Variants in DLC1 observed in about 807,000 individuals in gnomAD.
DLC1 encodes the protein DLC1 Rho GTPase activating protein.
DLC1 carries 54 observed loss-of-function variants against 140.3 expected under a neutral mutation model. The ratio of observed to expected loss-of-function variants is 0.38; its 90% CI spans 0.31 to 0.48. DLC1 has a LOEUF of 0.48. Ranked by LOEUF, DLC1 falls within the 20% of genes least tolerant of loss-of-function variation. The probability of loss-of-function intolerance (pLI) is 0.96; values close to 1 mark genes in which losing one functional copy is unlikely to be tolerated. For synonymous variants in DLC1, 986 were observed against 728.1 expected, an observed-to-expected ratio of 1.35 and a Z score of -5.70; for missense variants, 2,536 against 1,907.0, an observed-to-expected ratio of 1.33 and a Z score of -6.14.
chr8:13,400,551 C>G (rs1011661517), intron 3 of DLC1, among the ~76,000 whole-genome samples: 6 of 152,080 alleles, frequency 3.9e-5, no homozygotes, highest in African/African-American at 1.4e-4. Flanking sequence ...CTGATGTGTG[C>G]AATATAAAAC....
At chr8:13,526,190 A>C (rs983154453) in intron 1 of DLC1, among the ~76,000 whole-genome samples, 5 of 152,154 alleles carry the variant, frequency 3.3e-5, no homozygotes, top group African/African-American at 1.2e-4. Flanking sequence ...TATCGCATAC[A>C]ATACCACACT....
chr8:13,453,467 TATAC>T (rs1173876430), intron 2 of DLC1, among the ~76,000 whole-genome samples: 1 of 27,324 alleles, frequency 3.7e-5, no homozygotes, highest in Non-Finnish European at 6.1e-5. Context: ...TATGTATATA[TATAC>T]ATATATATGT....
chr8:13,400,954 T>C (rs1837266082), intron 3 of DLC1, among the ~76,000 whole-genome samples: 1 of 152,232 alleles, frequency 6.6e-6, no homozygotes, highest in African/African-American at 2.4e-5. Flanking sequence ...TCTGTCTCTT[T>C]CACTGTATTT....
Position 13,499,358 on chromosome 8 carries a change from A to G in DLC1, c.714T>C (p.Pro238=). ...SAVIAQQRRK[P]DPPKDENERS... is the part of the protein sequence containing the mutation. Reference sequence around the variant, plus strand: ...TTTCATTTTCATCTTTAGGGGGGTCAGGTTTCCTTCGTTGCTGAGCAATTA... The same window carrying G: ...TTTCATTTTCATCTTTAGGGGGGTCGGGTTTCCTTCGTTGCTGAGCAATTA... The change falls in exon 2 of 18, where the codon CCT becomes CCC. Residue 238 remains proline, a synonymous_variant. Transcript: ENST00000276297. The G allele has an allele frequency of 6.2e-7, 1 of 1,614,006 alleles. No individual in the cohort carries two copies.
At chr8:13,566,801 C>A in intron 1 of DLC1, 7 of 711,970 alleles carry the variant, frequency 9.8e-6, no homozygotes, top group Non-Finnish European at 1.5e-5. Flanking sequence ...GGCGGGACGC[C>A]GCATGGTGGC....
At chr8:13,401,680 G>T (rs947671093) in intron 2 of DLC1, 61 bp from the exon 3 acceptor site, 5 of 1,562,196 alleles carry the variant, frequency 3.2e-6, no homozygotes, top group Non-Finnish European at 4.3e-6. Flanking sequence ...AGAATAAAAA[G>T]TTCCCTGTTC....
chr8:13,546,420 G>A (rs1353868736), intron 1 of DLC1, among the ~76,000 whole-genome samples: 1 of 151,954 alleles, frequency 6.6e-6, no homozygotes, highest in African/African-American at 2.4e-5. Flanking sequence ...TAACAGGATT[G>A]GATTGCATCC....
At chr8:13,410,973 T>A (rs1168099380) in intron 2 of DLC1, among the ~76,000 whole-genome samples, 1 of 152,080 alleles carries the variant, frequency 6.6e-6, no homozygotes, top group East Asian at 1.9e-4. Flanking sequence ...GTTTTATGGG[T>A]TTTTAAAAAA....
chr8:13,439,707 A>G (rs1355078152), intron 2 of DLC1, among the ~76,000 whole-genome samples: 1 of 152,106 alleles, frequency 6.6e-6, no homozygotes, highest in African/African-American at 2.4e-5. Flanking sequence ...GACCACAACT[A>G]GTTGGTCGAG....
intron 3 of DLC1, among the ~76,000 whole-genome samples, chr8:13,395,039 A>G (rs1218873707): frequency 6.7e-6 from 1 of 149,442 alleles, no homozygotes; most frequent in Non-Finnish European, 1.5e-5. Context: ...TCTATCATCT[A>G]TCTATCTATC....
Position 13,526,383 on chromosome 8 carries a change from G to C in DLC1, c.-125-26187C>G, listed in dbSNP as rs566379910. 2.0e-5 allele frequency among the ~76,000 whole-genome samples: 3 copies of C among 152,110 alleles called. No homozygotes were observed. The South Asian group carries it at 6.2e-4, about 32-fold the overall frequency. On this transcript the variant is annotated intron_variant, in intron 1 of 1. Transcript: ENST00000631382. ...GGGATTTTGATCAATTTATTATTTG[G>C]ATCAATTGCAGGAAAACTGACATCT... is the stretch of plus-strand genomic sequence containing the variant.
intron 1 of DLC1, among the ~76,000 whole-genome samples, chr8:13,594,999 A>T (rs191657194): frequency 2.4e-4 from 36 of 151,986 alleles, no homozygotes; most frequent in Admixed American, 2.1e-3. Context: ...ATTTCTGTAT[A>T]GACTTCTTCA....
intron 5 of DLC1, among the ~76,000 whole-genome samples, chr8:13,122,816 A>AAC (rs1231532173): frequency 7.9e-5 from 12 of 152,112 alleles, no homozygotes; most frequent in African/African-American, 2.9e-4. Flanking sequence ...AAAAAAAAAA[A>AAC]AACAAGAAGC....
intron 5 of DLC1, among the ~76,000 whole-genome samples, chr8:13,288,890 G>A (rs1469115950): frequency 6.6e-6 from 1 of 152,202 alleles, no homozygotes; most frequent in South Asian, 2.1e-4. Flanking sequence ...GGAAGCTAAA[G>A]GTTGTGGACT....
chr8:13,164,477 G>A (rs146996588), intron 5 of DLC1, among the ~76,000 whole-genome samples: 1 of 152,176 alleles, frequency 6.6e-6, no homozygotes, highest in African/African-American at 2.4e-5. Flanking sequence ...GCTGGTAGTT[G>A]GGTCATATGC....
rs532483058 is a variant in DLC1, at chr8:13,592,303, A to G, written c.-126+12234T>C. Among the ~76,000 whole-genome samples the G allele has an allele frequency of 2.1e-3, 321 of 152,214 alleles. 1 individual carries two copies. Among genetic ancestry groups the G allele is most frequent in the African/African-American group, 7.5e-3 (312 of 41,546 alleles). ...TTTTATTGAACTATAAGATCTTACC[A>G]TACATCAGTGACATACCCTCTGTGT... On this transcript the variant is annotated intron_variant, in intron 1 of 1. Coordinates refer to the DLC1 transcript ENST00000631382.
At chr8:13,338,127 A>C (rs570555423) in intron 4 of DLC1, among the ~76,000 whole-genome samples, 1 of 152,266 alleles carries the variant, frequency 6.6e-6, no homozygotes, top group East Asian at 1.9e-4. Flanking sequence ...GACTGGCTGC[A>C]ATTTTGTCCC....
At chr8:13,351,209 G>A (rs1834646655) in intron 4 of DLC1, among the ~76,000 whole-genome samples, 1 of 152,150 alleles carries the variant, frequency 6.6e-6, no homozygotes, top group Non-Finnish European at 1.5e-5. Flanking sequence ...AGTCCTAAGT[G>A]CTTTATATGA....
chr8:13,462,983 C>A (rs905107886), intron 2 of DLC1, among the ~76,000 whole-genome samples: 2 of 152,038 alleles, frequency 1.3e-5, no homozygotes, highest in Admixed American at 6.6e-5. Flanking sequence ...AAGTAACTGG[C>A]CTTAAAACTT....
Sources: allele counts gnomAD v4.1 joint callset (sites outside exome capture counted in the v4.1 genomes callset), GRCh38; gene constraint gnomAD v4.1.1; transcripts MANE v1.5; gene names NCBI Gene and HGNC (gene_info 2026-07-23, HGNC 2026-07-21).